Variants in TTC7A observed in about 807,000 individuals in gnomAD.
TTC7A encodes the protein tetratricopeptide repeat protein 7A.
Under a neutral mutation model 103.7 loss-of-function variants are expected in TTC7A, and 110 were observed. That is an observed-to-expected ratio of 1.06 (90% CI 0.91 to 1.24). TTC7A has a LOEUF of 1.24. Ranked by LOEUF, TTC7A falls within the 50% of genes most tolerant of loss-of-function variation. The probability of loss-of-function intolerance (pLI) is 0.00; values close to 1 mark genes in which losing one functional copy is unlikely to be tolerated. For missense variants in TTC7A, 1,340 were observed against 1,116.3 expected, an observed-to-expected ratio of 1.20 and a Z score of -2.86; for synonymous variants, 521 against 467.9, an observed-to-expected ratio of 1.11 and a Z score of -1.47.
rs950915081 is a variant in TTC7A at position 46,941,754 on chromosome 2, G to T, written c.184+29G>T. ...AGTAAGGGAAGAGGCTGGCTCGCCGGCAGCGAGCGCGCGAAACGCACCGCC... is the reference window on the plus strand; with the variant it reads ...AGTAAGGGAAGAGGCTGGCTCGCCGTCAGCGAGCGCGCGAAACGCACCGCC... On this transcript the variant is annotated intron_variant, in intron 1 of 19. Coordinates refer to ENST00000319190, the MANE Select transcript of TTC7A (RefSeq NM_020458.4). This position sits in a 1 kb window ranked among gnomAD's most constrained non-coding sequence, Gnocchi z 4.2. 2.6e-6 allele frequency: 4 copies of T among 1,546,796 alleles called. No homozygotes were observed. In the African/African-American group the frequency reaches 4.1e-5, roughly 16 times the overall value.
chr2:46,971,208 A>G (rs1415045406), intron 3 of TTC7A, among the ~76,000 whole-genome samples: 1 of 152,202 alleles, frequency 6.6e-6, no homozygotes, highest in Non-Finnish European at 1.5e-5. Flanking sequence ...AAATAAGTAT[A>G]AGAAATGGTG....
In TTC7A at chr2:47,050,013, C is replaced by T; in HGVS notation, c.1984C>T (p.Leu662=). The T allele has an allele frequency of 6.2e-7, 1 of 1,614,142 alleles. No homozygotes were observed. Among genetic ancestry groups the T allele is most frequent in the South Asian group, 1.1e-5 (1 of 91,080 alleles). Reference sequence around the variant, plus strand: ...CATGAAGAAGCAGAGTGGCATGCACCTGACTTTGCCTGATGCCCATGATGC... The same window carrying T: ...CATGAAGAAGCAGAGTGGCATGCACTTGACTTTGCCTGATGCCCATGATGC... ...LTMKKQSGMH[L]TLPDAHDADS... Residue 662 remains leucine (L), a synonymous_variant, in exon 17 of 20, where the codon CTG becomes TTG. Coordinates refer to ENST00000319190, the MANE Select transcript of TTC7A (RefSeq NM_020458.4).
intron 6 of TTC7A, 67 bp downstream of exon 6, chr2:46,993,595 C>T: frequency 1.4e-6 from 2 of 1,479,908 alleles, no homozygotes; most frequent in Admixed American, 1.7e-5. Context: ...AACAGAAGTC[C>T]TTGCAGGGAG....
chr2:46,922,608 A>G (rs915253534), intron 2 of TTC7A, among the ~76,000 whole-genome samples: 1 of 152,264 alleles, frequency 6.6e-6, no homozygotes, highest in Non-Finnish European at 1.5e-5. Context: ...CATCTCTGCA[A>G]ATTTTGTTTC....
At chr2:46,927,801 G>A (rs533310450) in intron 2 of TTC7A, among the ~76,000 whole-genome samples, 66 of 149,462 alleles carry the variant, frequency 4.4e-4, no homozygotes, top group African/African-American at 1.6e-3. Flanking sequence ...TATCCTTCAA[G>A]AGTAAACGTG....
chr2:47,029,094 G>A (rs963396379), intron 14 of TTC7A, 130 bp from the exon 15 acceptor site: 3 of 1,050,668 alleles, frequency 2.9e-6, no homozygotes, highest in Non-Finnish European at 4.2e-6. Flanking sequence ...TCTCACAGCA[G>A]CCTCCCTGCC....
intron 5 of TTC7A, among the ~76,000 whole-genome samples, chr2:46,987,249 G>A (rs1252215183): frequency 6.6e-6 from 1 of 152,210 alleles, no homozygotes; most frequent in Non-Finnish European, 1.5e-5. Flanking sequence ...TTGCCAGAAG[G>A]GGGCACCTTT....
rs1169860531 is a variant in TTC7A, at chr2:47,075,494, C to G, written c.*1571C>G. On this transcript the variant is annotated 3_prime_UTR_variant, in exon 20 of 20. Coordinates refer to ENST00000319190, the MANE Select transcript of TTC7A (RefSeq NM_020458.4). ...TTTCCTTGTTGGAAGCAGCAGAGGG[C>G]CAGGCCAAGTTGCTGACAGTGACTT... The G allele has an allele frequency of 2.0e-5, 3 of 152,188 alleles. No homozygotes were observed. The highest frequency in any genetic ancestry group is 4.4e-5 in the Non-Finnish European group (3 of 68,052). 9.4% of individuals were successfully genotyped at this position (152,188 alleles called of 1,614,324 possible).
At position 47,029,337 on chromosome 2, in the gene TTC7A, C is replaced by T. The variant is rs1289317604; in HGVS notation, c.1755C>T (p.Ala585=). 1 of 1,614,090 alleles carries T rather than the reference C, an allele frequency of 6.2e-7. No homozygotes were observed. Among genetic ancestry groups the T allele is most frequent in the South Asian group, 1.1e-5 (1 of 91,088 alleles). ...CTGCCCAGAAGCACCACCAGCATGC[C>T]CTGGATGTTGTCAACATGGCCATCA... ...LFSAQKHHQH[A]LDVVNMAITE... is the part of the protein sequence containing the mutation. Residue 585 remains alanine (A), a synonymous_variant, in exon 15 of 20, where the codon GCC becomes GCT. Coordinates refer to ENST00000319190, the MANE Select transcript of TTC7A (RefSeq NM_020458.4).
intron 18 of TTC7A, among the ~76,000 whole-genome samples, chr2:47,058,234 C>T (rs1285148301): frequency 6.6e-6 from 1 of 152,208 alleles, no homozygotes; most frequent in Admixed American, 6.5e-5. Flanking sequence ...CTCCCATATC[C>T]AGGAAGCCTG....
At chr2:46,995,328 G>T in intron 8 of TTC7A, 129 bp downstream of exon 8, 1 of 901,054 alleles carries the variant, frequency 1.1e-6, no homozygotes, top group Non-Finnish European at 1.7e-6. Flanking sequence ...TAAAGTAGAT[G>T]CTTCTTGGCC....
intron 19 of TTC7A, chr2:47,071,205 A>G (rs945293034): frequency 6.6e-6 from 1 of 152,300 alleles, no homozygotes; most frequent in African/African-American, 2.4e-5. Flanking sequence ...GTTGCTACCA[A>G]ACATGAACTC....
chr2:47,044,974 A>T (rs1329617758), intron 15 of TTC7A, among the ~76,000 whole-genome samples: 1 of 152,226 alleles, frequency 6.6e-6, no homozygotes, highest in Non-Finnish European at 1.5e-5. Flanking sequence ...TGGCACCTGC[A>T]GCCTTCGCAG....
chr2:47,022,216 C>T (rs943633787), intron 12 of TTC7A, among the ~76,000 whole-genome samples: 13 of 152,206 alleles, frequency 8.5e-5, no homozygotes. Flanking sequence ...AGCATGCCTT[C>T]CTCTCCCCTC....
intron 2 of TTC7A, among the ~76,000 whole-genome samples, chr2:46,956,401 G>A (rs1671855015): frequency 6.6e-6 from 1 of 152,052 alleles, no homozygotes; most frequent in African/African-American, 2.4e-5. Flanking sequence ...GCATATACAT[G>A]TACACAAGAG....
At chr2:46,916,062 C>A (rs540276954), upstream of TTC7A, 6 of 985,458 alleles carry the variant, frequency 6.1e-6, no homozygotes, top group African/African-American at 1.0e-4. Context: ...CTAGGCAACG[C>A]CGGAAGCCCT....
chr2:46,955,416 A>G (rs1268195403), intron 2 of TTC7A, among the ~76,000 whole-genome samples: 1 of 152,200 alleles, frequency 6.6e-6, no homozygotes, highest in Admixed American at 6.5e-5. Context: ...TAATTAATAG[A>G]GAGAGCAGGT....
chr2:47,024,384 C>G (rs1679654886), intron 14 of TTC7A, 25 bp downstream of exon 14: 2 of 1,592,048 alleles, frequency 1.3e-6, no homozygotes, highest in Non-Finnish European at 1.7e-6. Flanking sequence ...TTCCTAACCC[C>G]CGGGTCCTCG....
At chr2:47,009,263 AC>A (rs1392770947) in intron 10 of TTC7A, among the ~76,000 whole-genome samples, 5 of 152,010 alleles carry the variant, frequency 3.3e-5, no homozygotes, top group Non-Finnish European at 7.4e-5. Context: ...GGAGCTGGTC[AC>A]CTGCTAACAC....
Sources: allele counts gnomAD v4.1 joint callset (sites outside exome capture counted in the v4.1 genomes callset), GRCh38; gene constraint gnomAD v4.1.1; non-coding constraint Gnocchi (gnomAD v3.1); transcripts MANE v1.5; gene names NCBI Gene and HGNC (gene_info 2026-07-23, HGNC 2026-07-21).